Variants in GRK3 observed in about 807,000 individuals in gnomAD.
GRK3 encodes the protein adrenergic, beta, receptor kinase 2.
In GRK3, 54 loss-of-function variants were observed where a neutral mutation model predicts 95.7. That is an observed-to-expected ratio of 0.56 (90% confidence interval 0.45 to 0.71). The LOEUF is 0.71. Among genes scored for constraint, GRK3 ranks in the 30% least tolerant of loss-of-function variants. The probability of loss-of-function intolerance (pLI) is 0.00; values close to 1 mark genes in which losing one functional copy is unlikely to be tolerated. For missense variants in GRK3, 649 were observed against 851.2 expected (o/e 0.76, Z 2.96); for synonymous variants, 281 against 290.8 (o/e 0.97, Z 0.34).
chr22:25,695,074 C>A (rs1219507202), intron 12 of GRK3, 33 bp from the exon 13 acceptor site: 1 of 1,523,752 alleles, frequency 6.6e-7, no homozygotes, highest in Non-Finnish European at 9.1e-7. Flanking sequence ...AGTGGGCATG[C>A]TCTGATAACT....
chr22:25,653,934 G>T (rs1044898706), intron 3 of GRK3, among the ~76,000 whole-genome samples: 1 of 152,084 alleles, frequency 6.6e-6, no homozygotes, highest in Non-Finnish European at 1.5e-5. Context: ...TAATCGGCCC[G>T]CCTCAGCCTC....
At chr22:25,612,850 TA>T (rs529309150) in intron 2 of GRK3, among the ~76,000 whole-genome samples, 4,204 of 135,838 alleles carry the variant, frequency 0.031, 87 homozygotes, top group South Asian at 0.071. Flanking sequence ...CTCTAAAAGT[TA>T]AAAAAAAAAA....
At chr22:25,687,907 G>A (rs767317499) in intron 11 of GRK3, among the ~76,000 whole-genome samples, 12 of 152,090 alleles carry the variant, frequency 7.9e-5, no homozygotes, top group Non-Finnish European at 1.6e-4. Context: ...GCTGCAGCAC[G>A]TATACTAAGC....
intron 1 of GRK3, among the ~76,000 whole-genome samples, chr22:25,587,561 TG>T (rs1932356695): frequency 6.6e-6 from 1 of 152,174 alleles, no homozygotes; most frequent in Non-Finnish European, 1.5e-5. Flanking sequence ...CCCAAGTAGC[TG>T]GGACCACAGA....
At position 25,667,769 on chromosome 22, in the gene GRK3, C is replaced by T. The variant is rs200930672; in HGVS notation, c.472C>T (p.Arg158Ter). ...CATAGAAGAAATTTGTGAAAGCCTTCGAGGTGACATTTTTCAAAAATTTAT... is the reference window on the plus strand; with the variant it reads ...CATAGAAGAAATTTGTGAAAGCCTTTGAGGTGACATTTTTCAAAAATTTAT... ...PYIEEICESL[R>*]GDIFQKFMES... Residue 158 changes from arginine to a stop codon, truncating the protein, a stop_gained, in exon 6 of 21, where the codon CGA becomes TGA. Transcript: ENST00000324198. LOFTEE classifies it high-confidence loss of function. The T allele has an allele frequency of 4.4e-5, 71 of 1,611,392 alleles. No homozygotes were observed. Among genetic ancestry groups the T allele is most frequent in the Non-Finnish European group, 4.2e-6 (5 of 1,178,038 alleles).
At chr22:25,592,192 T>A (rs1932515073) in intron 1 of GRK3, among the ~76,000 whole-genome samples, 1 of 152,236 alleles carries the variant, frequency 6.6e-6, no homozygotes, top group Non-Finnish European at 1.5e-5. Flanking sequence ...AGGTATGTAG[T>A]GGAATCTTCT....
At position 25,632,660 on chromosome 22, in the gene GRK3, T is replaced by G. The variant is rs541690309; in HGVS notation, c.191-11932T>G. Among the ~76,000 whole-genome samples the G allele has an allele frequency of 1.6e-3, 241 of 152,360 alleles. 1 individual carries two copies. Among genetic ancestry groups the G allele is most frequent in the African/African-American group, 3.9e-3 (163 of 41,580 alleles). On this transcript the variant is annotated intron_variant, in intron 2 of 20. Transcript: ENST00000324198. Reference sequence around the variant, plus strand: ...ATTTTATAGTTTGAAGATTTATATTTAATTCTATTATCCATTTTGAGTTAA... The same window carrying G: ...ATTTTATAGTTTGAAGATTTATATTGAATTCTATTATCCATTTTGAGTTAA...
In GRK3 at chr22:25,565,834, G is replaced by T. The variant is rs1034988784; in HGVS notation, c.113+681G>T. Among the ~76,000 whole-genome samples, 7 of 151,998 alleles carry T rather than the reference G, an allele frequency of 4.6e-5. No homozygotes were observed. The East Asian group carries it at 5.8e-4, about 13-fold the overall frequency. On this transcript the variant is annotated intron_variant, in intron 1 of 20. Transcript: ENST00000324198. ...TCACCTGAGCTGCTTTCCTCAACTT[G>T]TAGATCTACTGGTGGCACTTTATTA...
chr22:25,628,367 G>A, intron 2 of GRK3, among the ~76,000 whole-genome samples: 1 of 152,216 alleles, frequency 6.6e-6, no homozygotes, highest in East Asian at 1.9e-4. Flanking sequence ...TATCCTGCAA[G>A]TGTACTGAAT....
intron 2 of GRK3, among the ~76,000 whole-genome samples, chr22:25,643,860 T>C (rs1255608778): frequency 1.3e-5 from 2 of 152,218 alleles, no homozygotes; most frequent in Non-Finnish European, 2.9e-5. Context: ...CATTGTGCAA[T>C]AGGGTCTGTC....
chr22:25,565,455 C>T (rs921878809), intron 1 of GRK3, among the ~76,000 whole-genome samples: 3 of 152,282 alleles, frequency 2.0e-5, no homozygotes, highest in Middle Eastern at 3.4e-3. Flanking sequence ...CCCTGTCGCC[C>T]CCTCCCCCCA....
At chr22:25,687,760 T>C (rs2085127695) in intron 11 of GRK3, 93 bp downstream of exon 11, 2 of 1,417,392 alleles carry the variant, frequency 1.4e-6, no homozygotes, top group Non-Finnish European at 2.0e-6. Flanking sequence ...CCTGTCATTT[T>C]CCTCATAGCC....
chr22:25,605,666 C>T (rs1253684561), intron 2 of GRK3, among the ~76,000 whole-genome samples: 2 of 152,248 alleles, frequency 1.3e-5, no homozygotes, highest in African/African-American at 4.8e-5. Context: ...CAACCATCTG[C>T]ACTGCCTAAT....
In GRK3 at chr22:25,576,823, G is replaced by T. The variant is rs553879430; in HGVS notation, c.113+11670G>T. 4.6e-5 allele frequency among the ~76,000 whole-genome samples: 7 copies of T among 152,338 alleles called. No individual in the cohort carries two copies. In the South Asian group the frequency reaches 1.4e-3, roughly 32 times the overall value. ...GACGTTAGTGACACAATTTGAAAAT[G>T]CATTGTATTCATTCAGTAAAGATTA... On this transcript the variant is annotated intron_variant, in intron 1 of 20. Coordinates refer to ENST00000324198, the MANE Select transcript of GRK3 (RefSeq NM_005160.4).
In GRK3 at chr22:25,620,622, C is replaced by A. The variant is rs183382858; in HGVS notation, c.190+16169C>A. 2.9e-3 allele frequency among the ~76,000 whole-genome samples: 446 copies of A among 152,270 alleles called. 5 individuals carry two copies. In the Middle Eastern group the frequency reaches 0.031, roughly 10 times the overall value. The stretch of plus-strand genomic sequence containing the variant: ...TACAACATTCCTCCCAGTGGAGACG[C>A]CCCACTAGCTGCTGTTAGGAGGTTT... On this transcript the variant is annotated intron_variant, in intron 2 of 20. Coordinates refer to ENST00000324198, the MANE Select transcript of GRK3 (RefSeq NM_005160.4).
intron 16 of GRK3, among the ~76,000 whole-genome samples, 175 bp from the exon 17 acceptor site, chr22:25,710,893 T>A (rs1248473351): frequency 1.3e-5 from 2 of 152,250 alleles, no homozygotes; most frequent in African/African-American, 4.8e-5. Context: ...TTGGGGCTAT[T>A]GAGTGCAGTG....
At chr22:25,641,636 A>G (rs1272893454) in intron 2 of GRK3, among the ~76,000 whole-genome samples, 1 of 152,224 alleles carries the variant, frequency 6.6e-6, no homozygotes, top group Non-Finnish European at 1.5e-5. Context: ...AATGAGAATC[A>G]TGAAAGGCCT....
rs146382999 is a variant in GRK3, at chr22:25,709,721, A to G, written c.1329-177A>G. On this transcript the variant is annotated intron_variant, in intron 15 of 20. Coordinates refer to ENST00000324198, the MANE Select transcript of GRK3 (RefSeq NM_005160.4). ...AATATTCCCAGGCGCTGCATGCAGT[A>G]TTCTAAACATCGTAGCATTCCTCCT... is the stretch of plus-strand genomic sequence containing the variant. Among the ~76,000 whole-genome samples the G allele has an allele frequency of 6.9e-4, 105 of 152,312 alleles. 2 individuals are homozygous for G. Among genetic ancestry groups the G allele is most frequent in the African/African-American group, 2.5e-3 (104 of 41,562 alleles).
chr22:25,605,996 C>T (rs999067703), intron 2 of GRK3, among the ~76,000 whole-genome samples: 5 of 152,154 alleles, frequency 3.3e-5, no homozygotes, highest in African/African-American at 1.2e-4. Context: ...CCTTCTGTAG[C>T]TCCTTTCCTG....
Sources: gnomAD v4.1 joint callset for allele counts (sites outside exome capture counted in the v4.1 genomes callset) on GRCh38, gnomAD v4.1.1 for gene constraint, MANE v1.5 for transcripts, NCBI Gene and HGNC (gene_info 2026-07-23, HGNC 2026-07-21) for gene names.